SLC35A4: variants seen among roughly 807,000 people sequenced by gnomAD.
SLC35A4 encodes solute carrier family 35 member A4, also known as probable UDP-sugar transporter protein SLC35A4.
SLC35A4 carries 9 observed loss-of-function variants against 18.8 expected under a neutral mutation model. That is an observed-to-expected ratio of 0.48 (90% CI 0.29 to 0.83). SLC35A4 has a LOEUF of 0.83. Ranked by LOEUF, SLC35A4 falls within the 40% of genes least tolerant of loss-of-function variation. The pLI is 0.09. For synonymous variants in SLC35A4, 189 were observed against 191.9 expected (o/e 0.98, Z 0.13); for missense variants, 404 against 415.5 (o/e 0.97, Z 0.24).
At chr5:140,565,155 C>T in intron 1 of SLC35A4, 2 of 363,466 alleles carry the variant, frequency 5.5e-6, no homozygotes, top group Non-Finnish European at 9.8e-6. Flanking sequence ...CATTCCCTAG[C>T]TCCCGAAATT....
At position 140,564,874 on chromosome 5, in the gene SLC35A4, G is replaced by C. The variant is rs1755147893; in HGVS notation, c.-705+16G>C. 3 of 406,334 alleles carry C rather than the reference G, an allele frequency of 7.4e-6. No individual in the cohort carries two copies. The highest frequency in any genetic ancestry group is 1.3e-5 in the Non-Finnish European group (3 of 230,304). 25.2% of individuals were successfully genotyped at this position (406,334 alleles called of 1,614,324 possible). ...GGATGACAAGGTGAGTGGCCGTGGG[G>C]GTGATCTGCAGCCGGGCGTGGTCTT... is the stretch of plus-strand genomic sequence containing the variant. On this transcript the variant is annotated intron_variant, in intron 1 of 2. Coordinates refer to ENST00000323146, the MANE Select transcript of SLC35A4 (RefSeq NM_080670.4). The surrounding 1 kb of genome is among the most constrained non-coding windows in gnomAD (Gnocchi z 5.0).
In SLC35A4 at chr5:140,566,869, C is replaced by T. The variant is rs1258619932; in HGVS notation, c.-301C>T. 1.8e-5 allele frequency: 11 copies of T among 608,732 alleles called. No homozygotes were observed. Among genetic ancestry groups the T allele is most frequent in the East Asian group, 5.5e-5 (2 of 36,484 alleles). 37.7% of individuals were successfully genotyped at this position (608,732 alleles called of 1,614,324 possible). A position where few individuals can be genotyped will look rare whatever the true frequency, so the allele number is the denominator to read the frequency against. On this transcript the variant is annotated 5_prime_UTR_variant, in exon 3 of 3. Transcript: ENST00000323146. Reference sequence around the variant, plus strand: ...CATTTGCTATCTCCAACTTTCCTGCCACCTTCATCCTTGCCTCCCTTCCTG... The same window carrying T: ...CATTTGCTATCTCCAACTTTCCTGCTACCTTCATCCTTGCCTCCCTTCCTG...
At position 140,569,076 on chromosome 5, in the gene SLC35A4, AG is replaced by A. The variant is rs1755258948; in HGVS notation, c.*935del. The A allele has an allele frequency of 1.2e-5, 2 of 167,090 alleles. No individual in the cohort carries two copies. The allele number at this position is 167,090 out of a possible 1,614,324, so 10.4% of individuals were successfully genotyped here. On this transcript the variant is annotated 3_prime_UTR_variant, in exon 3 of 3. Coordinates refer to ENST00000323146, the MANE Select transcript of SLC35A4 (RefSeq NM_080670.4). ...ATCTTAATAAAGTCTTCTAGGCTGT[AG>A]GGTGGTTCCTACAACCACAGCCATG...
chr5:140,567,476 G>A lies in SLC35A4; in HGVS notation c.307G>A (p.Val103Met). The part of the protein sequence containing the change: ...ALLYGANNNL[V>M]IYLQRYMDPS... Reference sequence around the variant, plus strand: ...GCTCTATGGCGCTAACAACAACCTGGTGATCTATCTTCAGCGTTACATGGA... The same window carrying A: ...GCTCTATGGCGCTAACAACAACCTGATGATCTATCTTCAGCGTTACATGGA... Residue 103 changes from valine (V) to methionine (M), a missense_variant, in exon 3 of 3, where the codon GTG (valine) becomes ATG (methionine). By Grantham distance (21) the Val-to-Met change is conservative (BLOSUM62 1). Transcript: ENST00000323146. 1 of 1,614,128 alleles carries A rather than the reference G, an allele frequency of 6.2e-7. No individual in the cohort carries two copies. The highest frequency in any genetic ancestry group is 8.5e-7 in the Non-Finnish European group (1 of 1,180,034).
chr5:140,568,589 A>T lies in SLC35A4; in HGVS notation c.*445A>T, dbSNP rs1450811695. The T allele has an allele frequency of 1.8e-5, 4 of 217,448 alleles. No homozygotes were observed. In the Admixed American group the frequency reaches 2.3e-4, roughly 13 times the overall value. The allele number at this position is 217,448 out of a possible 1,614,324, so 13.5% of individuals were successfully genotyped here. ...TAGTCCAGCCCAGCCATGGTGCATGACTCTTCCATAAGGGATCCTCACCCT... is the reference window on the plus strand; with the variant it reads ...TAGTCCAGCCCAGCCATGGTGCATGTCTCTTCCATAAGGGATCCTCACCCT... On this transcript the variant is annotated 3_prime_UTR_variant, in exon 3 of 3. Transcript: ENST00000323146.
rs531009116 is a variant in SLC35A4, at chr5:140,567,593, C to T, written c.424C>T (p.Gln142Ter). 1.9e-6 allele frequency: 3 copies of T among 1,614,270 alleles called. No homozygotes were observed. Among genetic ancestry groups the T allele is most frequent in the Admixed American group, 1.7e-5 (1 of 60,036 alleles). ...LCLRHRLSVR[Q>*]GLALLLLMAA... ...CCTCCGGCACCGCCTCTCTGTGCGTCAGGGGTTAGCGCTGCTGCTGCTGAT... is the reference window on the plus strand; with the variant it reads ...CCTCCGGCACCGCCTCTCTGTGCGTTAGGGGTTAGCGCTGCTGCTGCTGAT... Residue 142 changes from glutamine (Q) to a stop codon, truncating the protein, a stop_gained, in exon 3 of 3, where the codon CAG becomes TAG. Transcript: ENST00000323146. LOFTEE classifies it high-confidence loss of function.
Position 140,567,306 on chromosome 5 carries a change from TGCCCTTCCG to T in SLC35A4, c.143_151del (p.Phe48_Pro50del). 6.2e-7 allele frequency: 1 copy of T among 1,614,128 alleles called. No homozygotes were observed. The highest frequency in any genetic ancestry group is 8.5e-7 in the Non-Finnish European group (1 of 1,180,010). On this transcript the variant is annotated inframe_deletion, in exon 3 of 3. Coordinates refer to ENST00000323146, the MANE Select transcript of SLC35A4 (RefSeq NM_080670.4). The stretch of plus-strand genomic sequence containing the variant: ...GCACTGTGCCATGTGGACGGCCGAG[TGCCCTTCCG>T]GCCCTCCTCAGCCGTGCTGCTGACT...
rs757821398 is a variant in SLC35A4 at position 140,567,178 on chromosome 5, A to G, written c.9A>G (p.Val3=). The G allele has an allele frequency of 1.9e-6, 3 of 1,614,204 alleles. No homozygotes were observed. The highest frequency in any genetic ancestry group is 2.5e-6 in the Non-Finnish European group (3 of 1,180,034). MS[V]EDGGMPGLGR... ...CAGGGTCTTGTGTGGGTATGAGTGTAGAGGATGGGGGTATGCCAGGCCTGG... is the reference window on the plus strand; with the variant it reads ...CAGGGTCTTGTGTGGGTATGAGTGTGGAGGATGGGGGTATGCCAGGCCTGG... Residue 3 remains valine, a synonymous_variant, in exon 3 of 3, where the codon GTA becomes GTG. Coordinates refer to ENST00000323146, the MANE Select transcript of SLC35A4 (RefSeq NM_080670.4).
In SLC35A4 at chr5:140,568,257, T is replaced by G; in HGVS notation, c.*113T>G. The G allele has an allele frequency of 6.5e-7, 1 of 1,538,542 alleles. No homozygotes were observed. Among genetic ancestry groups the G allele is most frequent in the Admixed American group, 1.8e-5 (1 of 54,446 alleles). On this transcript the variant is annotated 3_prime_UTR_variant, in exon 3 of 3. Transcript: ENST00000323146. ...CAGCAGCCCTGTAACAAGTGCCTTG[T>G]GAGAAAAGCTGGAGAAGTGAGGGCA...
At position 140,566,619 on chromosome 5, in the gene SLC35A4, G is replaced by C. The variant is rs1384205290; in HGVS notation, c.-551G>C. The C allele has an allele frequency of 2.3e-6, 1 of 441,636 alleles. No individual in the cohort carries two copies. The highest frequency in any genetic ancestry group is 4.0e-6 in the Non-Finnish European group (1 of 251,448). The allele number at this position is 441,636 out of a possible 1,614,324, so 27.4% of individuals were successfully genotyped here. On this transcript the variant is annotated 5_prime_UTR_variant, in exon 3 of 3. Transcript: ENST00000323146. Reference sequence around the variant, plus strand: ...CAAGGGATTCCTGGCTGGCTATGTGGTGGCCAAACTGAGGGCATCAGCAGT... The same window carrying C: ...CAAGGGATTCCTGGCTGGCTATGTGCTGGCCAAACTGAGGGCATCAGCAGT...
rs1755235270 is a variant in SLC35A4, at chr5:140,568,005, G to A, written c.836G>A (p.Arg279His). 1 of 1,614,068 alleles carries A rather than the reference G, an allele frequency of 6.2e-7. No homozygotes were observed. The highest frequency in any genetic ancestry group is 8.5e-7 in the Non-Finnish European group (1 of 1,180,000). The change falls in exon 3 of 3, where the codon CGC (arginine) becomes CAC (histidine). Residue 279 changes from arginine to histidine, a missense_variant. Coordinates refer to ENST00000323146, the MANE Select transcript of SLC35A4 (RefSeq NM_080670.4). ...AVMKHGSSIT[R>H]LFVVSCSLVV... ...ATGAAGCATGGCAGCAGCATCACACGCCTCTTTGTGGTGTCCTGCTCGCTG... is the reference window on the plus strand; with the variant it reads ...ATGAAGCATGGCAGCAGCATCACACACCTCTTTGTGGTGTCCTGCTCGCTG...
chr5:140,567,447 C>A lies in SLC35A4; in HGVS notation c.278C>A (p.Ala93Asp). Residue 93 changes from alanine to aspartate, a missense_variant, in exon 3 of 3, where the codon GCC (alanine) becomes GAC (aspartate). Coordinates refer to ENST00000323146, the MANE Select transcript of SLC35A4 (RefSeq NM_080670.4). ...CAGGCTGCTCCCTTCGCACTATCAGCCCTGCTCTATGGCGCTAACAACAAC... is the reference window on the plus strand; with the variant it reads ...CAGGCTGCTCCCTTCGCACTATCAGACCTGCTCTATGGCGCTAACAACAAC... Reference protein sequence around the residue: ...WRQAAPFALSALLYGANNNLV... With the variant: ...WRQAAPFALSDLLYGANNNLV... 1 of 1,614,158 alleles carries A rather than the reference C, an allele frequency of 6.2e-7. No homozygotes were observed. The highest frequency in any genetic ancestry group is 1.1e-5 in the South Asian group (1 of 91,088).
In SLC35A4 at chr5:140,567,121, C is replaced by T. The variant is rs1285342651; in HGVS notation, c.-49C>T. The T allele has an allele frequency of 1.7e-5, 28 of 1,613,480 alleles. No individual in the cohort carries two copies. The highest frequency in any genetic ancestry group is 1.4e-4 in the South Asian group (13 of 91,038). ...GCTCCATAACTTGATTTTCCCCAAA[C>T]GTGTTGCAATCCCTGCTGCCCCTTA... On this transcript the variant is annotated 5_prime_UTR_variant, in exon 3 of 3. The change creates a new upstream start codon in the 5' untranslated region. Coordinates refer to ENST00000323146, the MANE Select transcript of SLC35A4 (RefSeq NM_080670.4).
In SLC35A4 at chr5:140,565,894, G is replaced by A; in HGVS notation, c.-683G>A. ...CTAGGATTCTCTGCCTAAGCTTAAG[G>A]ACCTGGCATTTCTCAAGAACCAGCT... On this transcript the variant is annotated 5_prime_UTR_variant, in exon 2 of 3. Coordinates refer to ENST00000323146, the MANE Select transcript of SLC35A4 (RefSeq NM_080670.4). The A allele has an allele frequency of 2.5e-6, 1 of 398,996 alleles. No homozygotes were observed. Among genetic ancestry groups the A allele is most frequent in the Non-Finnish European group, 4.4e-6 (1 of 226,074 alleles). 24.7% of individuals were successfully genotyped at this position (398,996 alleles called of 1,614,324 possible). A position where few individuals can be genotyped will look rare whatever the true frequency, so the allele number is the denominator to read the frequency against.
In SLC35A4 at chr5:140,567,623, G is replaced by A; in HGVS notation, c.454G>A (p.Ala152Thr). The change falls in exon 3 of 3, where the codon GCG becomes ACG. Residue 152 changes from alanine to threonine, a missense_variant. Physicochemically the swap from Ala to Thr is moderately conservative, Grantham distance 58. Coordinates refer to ENST00000323146, the MANE Select transcript of SLC35A4 (RefSeq NM_080670.4). ...QGLALLLLMA[A>T]GACYAAGGLQ... ...GTTAGCGCTGCTGCTGCTGATGGCT[G>A]CGGGAGCCTGCTATGCAGCAGGGGG... The A allele has an allele frequency of 1.9e-6, 3 of 1,614,174 alleles. No homozygotes were observed. Among genetic ancestry groups the A allele is most frequent in the Non-Finnish European group, 1.7e-6 (2 of 1,180,032 alleles).
chr5:140,565,138 T>C, intron 1 of SLC35A4: 1 of 379,424 alleles, frequency 2.6e-6, no homozygotes, highest in South Asian at 1.5e-4. Context: ...CACTCCTCAC[T>C]TTACCCCATT....
chr5:140,567,355 A>G lies in SLC35A4; in HGVS notation c.186A>G (p.Leu62=). ...SAVLLTELTK[L]LLCAFSLLVG... ...TGCTGCTGACTGAGCTGACCAAGCT[A>G]CTGTTATGCGCCTTCTCCCTTCTGG... The change falls in exon 3 of 3, where the codon CTA becomes CTG. Residue 62 remains leucine (L), a synonymous_variant. Coordinates refer to ENST00000323146, the MANE Select transcript of SLC35A4 (RefSeq NM_080670.4). The G allele has an allele frequency of 6.2e-7, 1 of 1,614,140 alleles. No homozygotes were observed. Among genetic ancestry groups the G allele is most frequent in the Non-Finnish European group, 8.5e-7 (1 of 1,179,994 alleles).
At position 140,566,745 on chromosome 5, in the gene SLC35A4, C is replaced by T. The variant is rs1755197408; in HGVS notation, c.-425C>T. The T allele has an allele frequency of 1.7e-5, 10 of 593,170 alleles. No individual in the cohort carries two copies. Among genetic ancestry groups the T allele is most frequent in the South Asian group, 1.0e-4 (5 of 48,282 alleles). The allele number at this position is 593,170 out of a possible 1,614,324, so 36.7% of individuals were successfully genotyped here. ...ATTAAGGGACTATTTGCAGTTGCTA[C>T]GCAAGGGGCCCGACTAGCTCTAGGT... On this transcript the variant is annotated 5_prime_UTR_variant, in exon 3 of 3. In the 5' UTR this introduces an upstream ATG that the reference lacks. Coordinates refer to ENST00000323146, the MANE Select transcript of SLC35A4 (RefSeq NM_080670.4).
rs768740498 is a variant in SLC35A4, at chr5:140,567,379, G to C, written c.210G>C (p.Leu70=). Reference sequence around the variant, plus strand: ...TACTGTTATGCGCCTTCTCCCTTCTGGTAGGCTGGCAAGCATGGCCCCAGG... The same window carrying C: ...TACTGTTATGCGCCTTCTCCCTTCTCGTAGGCTGGCAAGCATGGCCCCAGG... The part of the protein sequence containing the change: ...TKLLLCAFSL[L]VGWQAWPQGP... The change falls in exon 3 of 3, where the codon CTG becomes CTC. Residue 70 remains leucine (L), a synonymous_variant. Coordinates refer to ENST00000323146, the MANE Select transcript of SLC35A4 (RefSeq NM_080670.4). The C allele has an allele frequency of 6.2e-6, 10 of 1,614,040 alleles. No individual in the cohort carries two copies. Among genetic ancestry groups the C allele is most frequent in the Non-Finnish European group, 6.8e-6 (8 of 1,180,036 alleles).
Sources: allele counts gnomAD v4.1 joint callset, GRCh38; gene constraint gnomAD v4.1.1; non-coding constraint Gnocchi (gnomAD v3.1); transcripts MANE v1.5; gene names NCBI Gene and HGNC (gene_info 2026-07-23, HGNC 2026-07-21).